Variants in DGKB observed in about 807,000 individuals in gnomAD.
The protein encoded by DGKB is diacylglycerol kinase beta.
A neutral mutation model predicts 114.3 loss-of-function variants in DGKB; 67 were observed. That is an observed-to-expected ratio of 0.59 (90% CI 0.48 to 0.72). DGKB has a LOEUF of 0.72. DGKB is among the 30% of genes least tolerant of loss of function. The pLI, the probability that DGKB is intolerant of heterozygous loss-of-function variation, is 0.00. For synonymous variants in DGKB, 398 were observed against 323.1 expected, an observed-to-expected ratio of 1.23 and a Z score of -2.49; for missense variants, 907 against 975.2, an observed-to-expected ratio of 0.93 and a Z score of 0.93.
At chr7:14,788,714 CA>C (rs972776367) in intron 2 of DGKB, among the ~76,000 whole-genome samples, 4 of 152,156 alleles carry the variant, frequency 2.6e-5, no homozygotes, top group African/African-American at 9.7e-5. Flanking sequence ...CTTTTCTTCT[CA>C]CCCTCTCTCC....
At position 14,236,505 on chromosome 7, in the gene DGKB, A is replaced by G. The variant is rs546890101; in HGVS notation, c.2123-58354T>C. Among the ~76,000 whole-genome samples the G allele has an allele frequency of 3.9e-5, 6 of 152,056 alleles. No homozygotes were observed. In the East Asian group the frequency reaches 1.2e-3, roughly 29 times the overall value. On this transcript the variant is annotated intron_variant, in intron 23 of 25. Coordinates refer to ENST00000402815, the MANE Select transcript of DGKB (RefSeq NM_001350709.2). ...ACAACATATACATTGAGAAAAGAACAATTTTTCTGTTCAACGAGAATCAAA... is the reference window on the plus strand; with the variant it reads ...ACAACATATACATTGAGAAAAGAACGATTTTTCTGTTCAACGAGAATCAAA...
At chr7:14,612,138 GA>G (rs1318293142) in intron 16 of DGKB, among the ~76,000 whole-genome samples, 13 of 110,690 alleles carry the variant, frequency 1.2e-4, no homozygotes, top group Non-Finnish European at 2.4e-4. Flanking sequence ...CTGATGAAAA[GA>G]AAAAATCTTA....
chr7:14,741,059 A>G (rs905061972), intron 4 of DGKB, among the ~76,000 whole-genome samples: 1 of 152,102 alleles, frequency 6.6e-6, no homozygotes, highest in African/African-American at 2.4e-5. Context: ...TTTGAAAAAA[A>G]TGCCTTCTTT....
At chr7:14,286,791 CTT>C (rs1203575095) in intron 23 of DGKB, among the ~76,000 whole-genome samples, 4 of 152,032 alleles carry the variant, frequency 2.6e-5, no homozygotes, top group South Asian at 2.1e-4. Context: ...CATATTATAA[CTT>C]AACATATTTT....
Position 14,800,052 on chromosome 7 carries a change from G to A in DGKB, c.70+41142C>T, listed in dbSNP as rs1841944725. 2.6e-5 allele frequency among the ~76,000 whole-genome samples: 4 copies of A among 152,012 alleles called. No individual in the cohort carries two copies. In the South Asian group the frequency reaches 8.3e-4, roughly 32 times the overall value. On this transcript the variant is annotated intron_variant, in intron 2 of 25. Coordinates refer to ENST00000402815, the MANE Select transcript of DGKB (RefSeq NM_001350709.2). ...CTGCCTCAGCCTTCTGAGTAGCTGG[G>A]ACTACAGGTGTACACCACCGCGCCT...
intron 4 of DGKB, among the ~76,000 whole-genome samples, chr7:14,737,334 T>C (rs796698195): frequency 4.1e-4 from 58 of 141,610 alleles, no homozygotes; most frequent in African/African-American, 1.5e-3. Context: ...TGTGCTGAGA[T>C]GCAAGAGGAA....
At position 14,735,786 on chromosome 7, in the gene DGKB, G is replaced by T. The variant is rs954733269; in HGVS notation, c.322+255C>A. On this transcript the variant is annotated intron_variant, in intron 5 of 25. Transcript: ENST00000402815. ...CAAGAGCAGTTTTCCAAATTTGATG[G>T]AAATATGTCTTCAAATTATTACCTA... 4.6e-5 allele frequency among the ~76,000 whole-genome samples: 7 copies of T among 152,214 alleles called. No individual in the cohort carries two copies. The East Asian group carries it at 1.4e-3, about 29-fold the overall frequency.
intron 20 of DGKB, among the ~76,000 whole-genome samples, chr7:14,504,547 A>G (rs558332273): frequency 4.3e-4 from 65 of 152,318 alleles, no homozygotes; most frequent in Middle Eastern, 3.4e-3. Context: ...AATGTCATTC[A>G]TCTGCTTGAG....
At chr7:14,156,908 T>G (rs1156888913) in intron 25 of DGKB, among the ~76,000 whole-genome samples, 1 of 152,188 alleles carries the variant, frequency 6.6e-6, no homozygotes, top group Non-Finnish European at 1.5e-5. Flanking sequence ...TGATCAAATT[T>G]GGCTTAAATG....
At chr7:14,639,661 C>T (rs185547652) in intron 13 of DGKB, among the ~76,000 whole-genome samples, 82 of 152,314 alleles carry the variant, frequency 5.4e-4, no homozygotes, top group East Asian at 3.3e-3. Context: ...CCTAAAGGTA[C>T]GGGCCAAGGC....
chr7:14,827,398 A>T (rs1247979454), intron 2 of DGKB, among the ~76,000 whole-genome samples: 1 of 151,918 alleles, frequency 6.6e-6, no homozygotes, highest in African/African-American at 2.4e-5. Context: ...GGCCTAGAGC[A>T]TTTGCGGGGC....
At chr7:14,966,931 T>TGTA (rs1787189671) in intron 1 of DGKB, among the ~76,000 whole-genome samples, 1 of 152,176 alleles carries the variant, frequency 6.6e-6, no homozygotes, top group Non-Finnish European at 1.5e-5. Context: ...TAAAGCTCTT[T>TGTA]CAAATTTCAT....
chr7:14,358,023 C>T (rs1814925027), intron 21 of DGKB, among the ~76,000 whole-genome samples: 1 of 152,120 alleles, frequency 6.6e-6, no homozygotes, highest in African/African-American at 2.4e-5. Flanking sequence ...CTGCCCTTTA[C>T]ATTTTTTCCT....
At chr7:14,716,853 A>C (rs1828275141) in intron 6 of DGKB, among the ~76,000 whole-genome samples, 1 of 152,222 alleles carries the variant, frequency 6.6e-6, no homozygotes, top group African/African-American at 2.4e-5. Flanking sequence ...CTACGGCATC[A>C]TGTATTTTGA....
At chr7:14,846,215 G>C (rs1200762044) in intron 1 of DGKB, among the ~76,000 whole-genome samples, 1 of 152,160 alleles carries the variant, frequency 6.6e-6, no homozygotes, top group African/African-American at 2.4e-5. Context: ...TACTTTGGCT[G>C]TTGGATTTGG....
At chr7:14,818,571 T>C (rs942664864) in intron 2 of DGKB, among the ~76,000 whole-genome samples, 1 of 151,978 alleles carries the variant, frequency 6.6e-6, no homozygotes, top group Non-Finnish European at 1.5e-5. Flanking sequence ...GTAGAGGACA[T>C]GAAGAAAGGA....
Position 14,971,648 on chromosome 7 carries a change from G to A in DGKB, c.-188+3048C>T, listed in dbSNP as rs535325238. ...AATAATAAGTACATTAAAATTAAAC[G>A]TATCAAATGCAACACTGTGGAAAAA... On this transcript the variant is annotated intron_variant, in intron 1 of 4. Coordinates refer to the DGKB transcript ENST00000437998. Among the ~76,000 whole-genome samples, 21 of 151,774 alleles carry A rather than the reference G, an allele frequency of 1.4e-4. No homozygotes were observed. In the East Asian group the frequency reaches 1.5e-3, roughly 11 times the overall value.
chr7:14,910,949 GCTTT>G (rs1275261693), intron 1 of DGKB, among the ~76,000 whole-genome samples: 1 of 151,958 alleles, frequency 6.6e-6, no homozygotes, highest in Non-Finnish European at 1.5e-5. Flanking sequence ...CCAAATTCAA[GCTTT>G]CTTTCATTTT....
intron 4 of DGKB, among the ~76,000 whole-genome samples, chr7:14,738,256 T>G (rs1468591221): frequency 6.6e-6 from 1 of 152,234 alleles, no homozygotes; most frequent in Non-Finnish European, 1.5e-5. Context: ...TATTGCAAAG[T>G]TGCAGGAAGT....
Sources: allele counts gnomAD v4.1 joint callset (sites outside exome capture counted in the v4.1 genomes callset), GRCh38; gene constraint gnomAD v4.1.1; transcripts MANE v1.5; gene names NCBI Gene and HGNC (gene_info 2026-07-23, HGNC 2026-07-21).